The following CFTR variants were observed in gnomAD, a reference collection of about 807,000 sequenced individuals.
CFTR encodes the protein CF transmembrane conductance regulator, also known as cystic fibrosis transmembrane conductance regulator.
CFTR carries 181 observed loss-of-function variants against 171.6 expected under a neutral mutation model. The ratio of observed to expected loss-of-function variants is 1.05; its 90% CI spans 0.93 to 1.19. CFTR has a LOEUF of 1.19. Among genes scored for constraint, CFTR ranks in the 50% most tolerant of loss-of-function variants. CFTR has a pLI of 0.00. For synonymous variants in CFTR, 583 were observed against 608.0 expected (o/e 0.96, Z 0.60); for missense variants, 1,968 against 1,734.7 (o/e 1.13, Z -2.39).
intron 24 of CFTR, among the ~76,000 whole-genome samples, chr7:117,658,207 C>A (rs529595440): frequency 4.8e-4 from 73 of 151,736 alleles, no homozygotes; most frequent in Non-Finnish European, 9.0e-4. Context: ...GCTGTGTAGA[C>A]CAAAGAGAAT....
intron 26 of CFTR, among the ~76,000 whole-genome samples, 168 bp from the exon 27 acceptor site, chr7:117,666,740 G>A (rs1298553164): frequency 6.6e-6 from 1 of 152,210 alleles, no homozygotes; most frequent in Admixed American, 6.5e-5. Flanking sequence ...CCTCCTTAGA[G>A]CAAAAGGACA....
intron 3 of CFTR, among the ~76,000 whole-genome samples, chr7:117,523,116 T>C (rs1481135456): frequency 2.0e-5 from 3 of 152,210 alleles, no homozygotes; most frequent in Admixed American, 6.5e-5. Context: ...AAATAGCTAC[T>C]GTTGTTCAAA....
At chr7:117,652,292 T>C (rs1319390025) in intron 23 of CFTR, among the ~76,000 whole-genome samples, 1 of 152,198 alleles carries the variant, frequency 6.6e-6, no homozygotes, top group East Asian at 1.9e-4. Flanking sequence ...CTCTCTCTTG[T>C]GCCTGTCTGA....
Position 117,642,490 on chromosome 7 carries a change from T to G in CFTR, c.3770T>G (p.Phe1257Cys). The G allele has an allele frequency of 1.2e-6, 2 of 1,613,728 alleles. No homozygotes were observed. ...GGGAAGAGTACTTTGTTATCAGCTTTTTTGAGACTACTGAACACTGAAGGA... is the reference window on the plus strand; with the variant it reads ...GGGAAGAGTACTTTGTTATCAGCTTGTTTGAGACTACTGAACACTGAAGGA... The part of the protein sequence containing the change: ...GSGKSTLLSA[F>C]LRLLNTEGEI... Residue 1257 changes from phenylalanine to cysteine, a missense_variant, in exon 23 of 27, where the codon TTT becomes TGT. Transcript: ENST00000003084.
chr7:117,587,757 G>A lies in CFTR; in HGVS notation c.1603G>A (p.Glu535Lys), dbSNP rs1269344369. 3 of 1,609,414 alleles carry A rather than the reference G, an allele frequency of 1.9e-6. No homozygotes were observed. The highest frequency in any genetic ancestry group is 1.7e-6 in the Non-Finnish European group (2 of 1,176,048). The stretch of plus-strand genomic sequence containing the variant: ...GTAATAGGACATCTCCAAGTTTGCA[G>A]AGAAAGACAATATAGTTCTTGGAGA... ...QLEEDISKFA[E>K]KDNIVLGEGG... Residue 535 changes from glutamate (E) to lysine (K), a missense_variant, in exon 12 of 27, where the codon GAG (glutamate) becomes AAG (lysine). Glu to Lys is a moderately conservative substitution (Grantham distance 56). Coordinates refer to ENST00000003084, the MANE Select transcript of CFTR (RefSeq NM_000492.4).
At chr7:117,630,987 GTGGATT>G (rs1792735488) in intron 22 of CFTR, among the ~76,000 whole-genome samples, 1 of 151,984 alleles carries the variant, frequency 6.6e-6, no homozygotes, top group Admixed American at 6.6e-5. Context: ...ATAAGAGATT[GTGGATT>G]TTTTTTCTTT....
intron 9 of CFTR, among the ~76,000 whole-genome samples, chr7:117,543,813 T>C (rs904238125): frequency 2.6e-5 from 4 of 152,200 alleles, no homozygotes; most frequent in Non-Finnish European, 4.4e-5. Flanking sequence ...TTGTTAAACT[T>C]CCTGTTTGCG....
chr7:117,482,709 T>C lies in CFTR; in HGVS notation c.53+2562T>C, dbSNP rs1029719071. On this transcript the variant is annotated intron_variant, in intron 1 of 26. Coordinates refer to ENST00000003084, the MANE Select transcript of CFTR (RefSeq NM_000492.4). ...CCAACAGAGATTGTGCTATTTAATT[T>C]GGGAAAATTTTTTAAATTTACATTT... Among the ~76,000 whole-genome samples, 25 of 152,266 alleles carry C rather than the reference T, an allele frequency of 1.6e-4. 1 individual carries two copies. Among genetic ancestry groups the C allele is most frequent in the Admixed American group, 1.6e-3 (25 of 15,290 alleles).
At chr7:117,546,225 C>T (rs1345766577) in intron 9 of CFTR, among the ~76,000 whole-genome samples, 1 of 152,028 alleles carries the variant, frequency 6.6e-6, no homozygotes, top group Admixed American at 6.6e-5. Context: ...AACTCCTGAC[C>T]TCGTGATCCA....
intron 17 of CFTR, among the ~76,000 whole-genome samples, chr7:117,604,489 T>C (rs560099124): frequency 6.6e-6 from 1 of 152,282 alleles, no homozygotes; most frequent in South Asian, 2.1e-4. Flanking sequence ...TATGAAAAGA[T>C]GAGTAAGGCA....
At chr7:117,560,167 C>T (rs1799438841) in intron 11 of CFTR, among the ~76,000 whole-genome samples, 1 of 151,966 alleles carries the variant, frequency 6.6e-6, no homozygotes. Flanking sequence ...GAACAAATAC[C>T]ATATAACTTC....
At chr7:117,511,861 G>C (rs1798524438) in intron 3 of CFTR, among the ~76,000 whole-genome samples, 1 of 152,216 alleles carries the variant, frequency 6.6e-6, no homozygotes, top group South Asian at 2.1e-4. Flanking sequence ...GAATAAAAGG[G>C]GGGGAGAAAA....
chr7:117,481,018 C>G (rs1024587942), intron 1 of CFTR, among the ~76,000 whole-genome samples: 1 of 152,170 alleles, frequency 6.6e-6, no homozygotes, highest in East Asian at 1.9e-4. Context: ...TGGGACATTA[C>G]TTGACACATA....
chr7:117,508,709 A>C (rs1359123059), intron 2 of CFTR, among the ~76,000 whole-genome samples: 1 of 152,258 alleles, frequency 6.6e-6, no homozygotes, highest in Non-Finnish European at 1.5e-5. Context: ...TTCTAAGCAC[A>C]GCAATGAGCA....
chr7:117,625,204 A>G (rs184069327), intron 21 of CFTR, among the ~76,000 whole-genome samples: 60 of 152,296 alleles, frequency 3.9e-4, no homozygotes, highest in Non-Finnish European at 7.4e-4. Flanking sequence ...TTGGCTATGC[A>G]TATTTGGGCA....
At chr7:117,630,720 C>A (rs1044975653) in intron 22 of CFTR, among the ~76,000 whole-genome samples, 1 of 152,150 alleles carries the variant, frequency 6.6e-6, no homozygotes, top group Non-Finnish European at 1.5e-5. Context: ...TGGGCATGCC[C>A]AGACAAGCCT....
intron 10 of CFTR, among the ~76,000 whole-genome samples, chr7:117,549,432 G>T (rs925323939): frequency 6.6e-6 from 1 of 151,976 alleles, no homozygotes; most frequent in African/African-American, 2.4e-5. Context: ...AGATTAGAAA[G>T]AAAAAACAGC....
intron 2 of CFTR, among the ~76,000 whole-genome samples, chr7:117,508,764 T>C (rs970804659): frequency 4.6e-5 from 7 of 152,262 alleles, no homozygotes; most frequent in African/African-American, 1.7e-4. Flanking sequence ...TCATTGTTTT[T>C]TAGAAGCCCA....
Position 117,504,271 on chromosome 7 carries a change from G to A in CFTR, c.72G>A (p.Leu24=), listed in dbSNP as rs55773134. ...ATTTTAGCTGGACCAGACCAATTTT[G>A]AGGAAAGGATACAGACAGCGCCTGG... ...KLFFSWTRPI[L]RKGYRQRLEL... is the part of the protein sequence containing the mutation. Residue 24 remains leucine (L), a synonymous_variant, in exon 2 of 27, where the codon TTG becomes TTA. Coordinates refer to ENST00000003084, the MANE Select transcript of CFTR (RefSeq NM_000492.4). The A allele has an allele frequency of 1.2e-6, 2 of 1,609,108 alleles. No homozygotes were observed. The highest frequency in any genetic ancestry group is 1.7e-6 in the Non-Finnish European group (2 of 1,175,566).
Sources: gnomAD v4.1 joint callset for allele counts (sites outside exome capture counted in the v4.1 genomes callset) on GRCh38, gnomAD v4.1.1 for gene constraint, MANE v1.5 for transcripts, NCBI Gene and HGNC (gene_info 2026-07-23, HGNC 2026-07-21) for gene names.